Variants in GRM8 observed in about 807,000 individuals in gnomAD.
GRM8 encodes metabotropic glutamate receptor 8.
A neutral mutation model predicts 87.2 loss-of-function variants in GRM8; 47 were observed. The observed-to-expected ratio is 0.54, with a 90% CI of 0.43 to 0.69. The LOEUF (loss-of-function observed/expected upper bound fraction) is 0.69. GRM8 is among the 30% of genes least tolerant of loss of function. The pLI, the probability that GRM8 is intolerant of heterozygous loss-of-function variation, is 0.00. For missense variants in GRM8, 1,019 were observed against 1,139.2 expected (o/e 0.89, Z 1.52); for synonymous variants, 396 against 404.5 (o/e 0.98, Z 0.25).
intron 7 of GRM8, among the ~76,000 whole-genome samples, chr7:126,733,678 T>A (rs945997848): frequency 1.3e-5 from 2 of 151,976 alleles, no homozygotes; most frequent in African/African-American, 2.4e-5. Flanking sequence ...CAAAAATACA[T>A]CATCATGTTG....
At position 126,922,852 on chromosome 7, in the gene GRM8, C is replaced by G. The variant is rs554677439; in HGVS notation, c.728-18169G>C. Among the ~76,000 whole-genome samples the G allele has an allele frequency of 2.0e-5, 3 of 152,230 alleles. No homozygotes were observed. In the East Asian group the frequency reaches 5.8e-4, roughly 29 times the overall value. ...GTATGTAGCACCTCCCCCTCCCTCC[C>G]TTGGTCCTGCTCCTGCCATGTAAGA... On this transcript the variant is annotated intron_variant, in intron 3 of 10. Transcript: ENST00000339582.
intron 6 of GRM8, among the ~76,000 whole-genome samples, chr7:126,778,991 C>A (rs1819775757): frequency 6.6e-6 from 1 of 151,940 alleles, no homozygotes; most frequent in African/African-American, 2.4e-5. Flanking sequence ...CTTTCTTTGC[C>A]TCTTTATTTT....
At chr7:127,139,921 C>T (rs1429265615) in intron 2 of GRM8, among the ~76,000 whole-genome samples, 1 of 152,102 alleles carries the variant, frequency 6.6e-6, no homozygotes, top group Non-Finnish European at 1.5e-5. Flanking sequence ...GCCACTCATG[C>T]TAGAAGCACA....
intron 7 of GRM8, among the ~76,000 whole-genome samples, chr7:126,637,072 C>G (rs570055471): frequency 1.3e-5 from 2 of 152,048 alleles, no homozygotes; most frequent in South Asian, 4.2e-4. Flanking sequence ...GGCCCATTGT[C>G]AAGTTCATTG....
At chr7:126,846,643 T>G (rs900727249) in intron 6 of GRM8, among the ~76,000 whole-genome samples, 1 of 152,136 alleles carries the variant, frequency 6.6e-6, no homozygotes, top group African/African-American at 2.4e-5. Context: ...TTTGTGGACA[T>G]TAATACCATG....
rs1390781092 is a variant in GRM8 at position 127,066,974 on chromosome 7, G to T, written c.727+39522C>A. Among the ~76,000 whole-genome samples, 3 of 152,166 alleles carry T rather than the reference G, an allele frequency of 2.0e-5. No homozygotes were observed. The East Asian group carries it at 5.8e-4, about 29-fold the overall frequency. ...CAGCAGGGCTCAGAGAGGCCAAGTGGTTTGCCTAAAACTGCCTAGCTATTA... is the reference window on the plus strand; with the variant it reads ...CAGCAGGGCTCAGAGAGGCCAAGTGTTTTGCCTAAAACTGCCTAGCTATTA... On this transcript the variant is annotated intron_variant, in intron 3 of 10. Transcript: ENST00000339582.
intron 6 of GRM8, among the ~76,000 whole-genome samples, chr7:126,812,114 A>G (rs886853770): frequency 1.3e-5 from 2 of 152,044 alleles, no homozygotes; most frequent in Non-Finnish European, 2.9e-5. Flanking sequence ...CTTGTACCCC[A>G]TAAATTTATA....
chr7:126,701,203 A>C (rs572122439), intron 7 of GRM8, among the ~76,000 whole-genome samples: 32 of 152,090 alleles, frequency 2.1e-4, no homozygotes, highest in Non-Finnish European at 4.4e-4. Flanking sequence ...GTCACAGTTG[A>C]TCTCAGCTGC....
At chr7:126,867,920 GA>G (rs944712199) in intron 6 of GRM8, among the ~76,000 whole-genome samples, 9 of 152,106 alleles carry the variant, frequency 5.9e-5, no homozygotes, top group Non-Finnish European at 1.2e-4. Context: ...GCTTACAGCA[GA>G]AAAAAATATA....
intron 6 of GRM8, among the ~76,000 whole-genome samples, chr7:126,816,082 C>T (rs149673127): frequency 9.0e-4 from 137 of 152,012 alleles, no homozygotes; most frequent in African/African-American, 3.1e-3. Flanking sequence ...CCTGGGAAAC[C>T]AAACCACAGT....
intron 1 of GRM8, among the ~76,000 whole-genome samples, chr7:127,243,870 T>C (rs1232826519): frequency 2.0e-5 from 3 of 151,772 alleles, no homozygotes; most frequent in African/African-American, 7.3e-5. Flanking sequence ...TGCAGCTATC[T>C]GAATTTAGCA....
chr7:127,000,036 T>C (rs1391006799), intron 3 of GRM8, among the ~76,000 whole-genome samples: 1 of 151,858 alleles, frequency 6.6e-6, no homozygotes, highest in Non-Finnish European at 1.5e-5. Flanking sequence ...ATGTGGTACA[T>C]ATACACAATG....
chr7:126,974,957 A>AAC (rs1810829142), intron 3 of GRM8, among the ~76,000 whole-genome samples: 1 of 150,062 alleles, frequency 6.7e-6, no homozygotes, highest in Non-Finnish European at 1.5e-5. Context: ...AAAAAAAAAA[A>AAC]AAAAAAAAAA....
chr7:126,587,233 T>G (rs916704963), intron 8 of GRM8, among the ~76,000 whole-genome samples: 1 of 152,244 alleles, frequency 6.6e-6, no homozygotes, highest in South Asian at 2.1e-4. Context: ...TTGGTGGGAC[T>G]GTAAACTAGT....
intron 6 of GRM8, among the ~76,000 whole-genome samples, chr7:126,897,487 G>A (rs552236263): frequency 3.7e-4 from 56 of 152,044 alleles, no homozygotes; most frequent in African/African-American, 1.3e-3. Context: ...ACAGGGAGAG[G>A]ATGAAGATGC....
At chr7:126,494,703 C>CA (rs1808478069) in intron 9 of GRM8, among the ~76,000 whole-genome samples, 1 of 151,956 alleles carries the variant, frequency 6.6e-6, no homozygotes, top group South Asian at 2.1e-4. Flanking sequence ...TTCAAGTCTT[C>CA]AAAAATAGAA....
chr7:126,876,148 A>G (rs1044481584), intron 6 of GRM8, among the ~76,000 whole-genome samples: 7 of 152,154 alleles, frequency 4.6e-5, no homozygotes, highest in Non-Finnish European at 2.9e-5. Flanking sequence ...TCCTTTTGCA[A>G]CAGCTGCCAA....
At chr7:127,171,338 CTTAA>C (rs761089451) in intron 2 of GRM8, among the ~76,000 whole-genome samples, 26 of 152,188 alleles carry the variant, frequency 1.7e-4, no homozygotes, top group Non-Finnish European at 3.1e-4. Flanking sequence ...ATGACATAAA[CTTAA>C]TTTATAAAGC....
chr7:127,030,655 T>C (rs956754865), intron 3 of GRM8, among the ~76,000 whole-genome samples: 11 of 152,120 alleles, frequency 7.2e-5, no homozygotes, highest in Non-Finnish European at 1.6e-4. Context: ...GGAACACTTC[T>C]AAACCAGGGA....
Sources: gnomAD v4.1 joint callset for allele counts (sites outside exome capture counted in the v4.1 genomes callset) on GRCh38, gnomAD v4.1.1 for gene constraint, MANE v1.5 for transcripts, NCBI Gene and HGNC (gene_info 2026-07-23, HGNC 2026-07-21) for gene names.